Variants in KIF17 observed in about 807,000 individuals in gnomAD.
KIF17 encodes kinesin family member 17.
A neutral mutation model predicts 96.8 loss-of-function variants in KIF17; 80 were observed. That is an observed-to-expected ratio of 0.83 (90% confidence interval 0.69 to 1.00). The LOEUF (loss-of-function observed/expected upper bound fraction) is 1.00, where lower values mean the gene tolerates loss of function less well. KIF17 is among the 50% of genes least tolerant of loss of function. The pLI is 0.00. For missense variants in KIF17, 1,280 were observed against 1,372.9 expected (o/e 0.93, Z 1.07); for synonymous variants, 567 against 587.5 (o/e 0.97, Z 0.51).
chr1:20,670,398 A>C (rs1308278177), intron 13 of KIF17, 23 bp downstream of exon 13: 1 of 1,610,612 alleles, frequency 6.2e-7, no homozygotes, highest in Admixed American at 1.7e-5. Context: ...CCGACACCCC[A>C]CTCCCTCTCC....
chr1:20,704,852 C>T lies in KIF17; in HGVS notation c.718G>A (p.Asp240Asn). The T allele has an allele frequency of 6.2e-7, 1 of 1,603,884 alleles. No homozygotes were observed. Among genetic ancestry groups the T allele is most frequent in the Non-Finnish European group, 8.5e-7 (1 of 1,179,902 alleles). The change falls in exon 5 of 15, where the codon GAC (aspartate) becomes AAC (asparagine). Residue 240 changes from aspartate (D) to asparagine (N), a missense_variant. By Grantham distance (23) the Asp-to-Asn change is conservative. Coordinates refer to ENST00000400463, the MANE Select transcript of KIF17 (RefSeq NM_001122819.3). The surrounding 1 kb of genome is among the most constrained non-coding windows in gnomAD (Gnocchi z 6.8). ...HLRAGKLNLV[D>N]LAGSERQSKT... is the part of the protein sequence containing the mutation. ...GACTGCCGCTCGCTGCCCGCCAGGT[C>T]CACCAGGTTCAGCTTGCCCGCCCGG...
rs966970177 is a variant in KIF17, at chr1:20,717,804, G to T, written c.-98C>A. On this transcript the variant is annotated 5_prime_UTR_variant, in exon 1 of 15. Transcript: ENST00000400463. The stretch of plus-strand genomic sequence containing the variant: ...AGGGGCGGGGCCAGCGCCGGCCACG[G>T]GGGGCGGGGCCTTGAGGCAGGGGCG... 1.5e-6 allele frequency: 2 copies of T among 1,315,136 alleles called. No individual in the cohort carries two copies. The highest frequency in any genetic ancestry group is 3.1e-5 in the African/African-American group (2 of 63,710). The allele number at this position is 1,315,136 out of a possible 1,614,324, so 81.5% of individuals were successfully genotyped here.
At position 20,699,739 on chromosome 1, in the gene KIF17, G is replaced by A. The variant is rs2054201203; in HGVS notation, c.1124-1251C>T. 6.6e-6 allele frequency among the ~76,000 whole-genome samples: 1 copy of A among 152,196 alleles called. No individual in the cohort carries two copies. The highest frequency in any genetic ancestry group is 1.5e-5 in the Non-Finnish European group (1 of 68,032). On this transcript the variant is annotated intron_variant, in intron 5 of 14. Transcript: ENST00000400463. The surrounding 1 kb of genome is among the most constrained non-coding windows in gnomAD (Gnocchi z 4.3). ...AGTGCGAGGGCCCTGAGGCGGTTGT[G>A]AGACTGCACTGTTCCTGGCCCAGCC...
rs1391173523 is a variant in KIF17 at position 20,687,239 on chromosome 1, C to A, written c.1938+149G>T. On this transcript the variant is annotated intron_variant, in intron 8 of 14. Transcript: ENST00000400463. The surrounding 1 kb of genome is among the most constrained non-coding windows in gnomAD (Gnocchi z 4.4). ...GACACCAGTGCCCCTGAGCCAGCCA[C>A]CAGTGCCAGAGCCGCAGCAGACACA... 8 of 849,388 alleles carry A rather than the reference C, an allele frequency of 9.4e-6. No homozygotes were observed. In the East Asian group the frequency reaches 2.0e-4, roughly 21 times the overall value. The allele number at this position is 849,388 out of a possible 1,614,324, so 52.6% of individuals were successfully genotyped here. A position where few individuals can be genotyped will look rare whatever the true frequency, so the allele number is the denominator to read the frequency against.
chr1:20,715,485 G>A lies in KIF17; in HGVS notation c.378+8C>T, dbSNP rs1334070825. 6 of 1,611,478 alleles carry A rather than the reference G, an allele frequency of 3.7e-6. No homozygotes were observed. In the African/African-American group the frequency reaches 8.0e-5, roughly 22 times the overall value. On this transcript the variant is annotated splice_region_variant and intron_variant, in intron 2 of 14. Transcript: ENST00000400463. Reference sequence around the variant, plus strand: ...TGGCCCTGCCCCTTCCCTCTGCGAGGCCCGTACCTGGACGCTCTCGAACAC... The same window carrying A: ...TGGCCCTGCCCCTTCCCTCTGCGAGACCCGTACCTGGACGCTCTCGAACAC...
chr1:20,708,943 C>T (rs2054389635), intron 4 of KIF17, among the ~76,000 whole-genome samples: 3 of 152,186 alleles, frequency 2.0e-5, no homozygotes, highest in Non-Finnish European at 4.4e-5. Flanking sequence ...GTTGGAGTGA[C>T]ACACACTCCA....
At chr1:20,697,379 G>A (rs749363721) in intron 6 of KIF17, among the ~76,000 whole-genome samples, 109 of 152,176 alleles carry the variant, frequency 7.2e-4, no homozygotes, top group Non-Finnish European at 1.3e-3. Flanking sequence ...AGGTTGAGGT[G>A]GGAGGATCTC....
intron 11 of KIF17, among the ~76,000 whole-genome samples, chr1:20,681,496 G>C (rs929029181): frequency 1.3e-5 from 2 of 151,900 alleles, no homozygotes; most frequent in Non-Finnish European, 2.9e-5. Context: ...CCAGCCAAAA[G>C]AGGCAAAGTT....
At chr1:20,708,226 A>G (rs1311807142) in intron 4 of KIF17, among the ~76,000 whole-genome samples, 2 of 152,114 alleles carry the variant, frequency 1.3e-5, no homozygotes, top group Non-Finnish European at 2.9e-5. Context: ...TCCCCGGGAC[A>G]CTCAGACTCA....
At chr1:20,696,245 T>C (rs992989138) in intron 6 of KIF17, among the ~76,000 whole-genome samples, 12 of 151,912 alleles carry the variant, frequency 7.9e-5, no homozygotes, top group Admixed American at 7.9e-4. Context: ...TCCCTTTCCC[T>C]GAATGGTTCT....
intron 11 of KIF17, among the ~76,000 whole-genome samples, chr1:20,681,898 G>A (rs1439033986): frequency 6.6e-6 from 1 of 152,150 alleles, no homozygotes; most frequent in Non-Finnish European, 1.5e-5. Context: ...CCCAGTCTGG[G>A]TGCTCGTTTC....
intron 11 of KIF17, among the ~76,000 whole-genome samples, chr1:20,675,353 CAGG>C (rs2053720314): frequency 6.6e-6 from 1 of 150,914 alleles, no homozygotes; most frequent in Non-Finnish European, 1.5e-5. Context: ...GAGGCTGAAG[CAGG>C]AGAATGGCGT....
Position 20,664,464 on chromosome 1 carries a change from G to A in KIF17, c.*120C>T, listed in dbSNP as rs1167380555. On this transcript the variant is annotated 3_prime_UTR_variant, in exon 15 of 15. Transcript: ENST00000400463. ...AGGGAATGTGTCTTCCCAGGGCTGA[G>A]GGAGCCCTCAGGCCCCGGAGCGCTG... is the stretch of plus-strand genomic sequence containing the variant. 2.3e-5 allele frequency: 36 copies of A among 1,594,756 alleles called. No homozygotes were observed. Among genetic ancestry groups the A allele is most frequent in the Non-Finnish European group, 3.0e-5 (35 of 1,173,212 alleles).
In KIF17 at chr1:20,699,715, G is replaced by A. The variant is rs1570467229; in HGVS notation, c.1124-1227C>T. Among the ~76,000 whole-genome samples the A allele has an allele frequency of 6.8e-6, 1 of 146,132 alleles. No individual in the cohort carries two copies. Among genetic ancestry groups the A allele is most frequent in the East Asian group, 1.9e-4 (1 of 5,180 alleles). On this transcript the variant is annotated intron_variant, in intron 5 of 14. Transcript: ENST00000400463. The surrounding 1 kb of genome is among the most constrained non-coding windows in gnomAD (Gnocchi z 4.3). ...GCTTGCTAGACAGGGGGAGCGGTGA[G>A]TGCGAGGGCCCTGAGGCGGTTGTGA...
Position 20,687,829 on chromosome 1 carries a change from C to G in KIF17, c.1497G>C (p.Lys499Asn), listed in dbSNP as rs1308071543. The G allele has an allele frequency of 6.2e-7, 1 of 1,614,148 alleles. No individual in the cohort carries two copies. Among genetic ancestry groups the G allele is most frequent in the Middle Eastern group, 1.6e-4 (1 of 6,062 alleles). ...AFQYETVVKP[K>N]VFSTTDTLPS... ...GCAGAGTGTCAGTCGTGGAGAAGAC[C>G]TTGGGTTTCACCACTGTCTCATACT... The change falls in exon 8 of 15, where the codon AAG becomes AAC. Residue 499 changes from lysine to asparagine, a missense_variant. Coordinates refer to ENST00000400463, the MANE Select transcript of KIF17 (RefSeq NM_001122819.3). This position sits in a 1 kb window ranked among gnomAD's most constrained non-coding sequence, Gnocchi z 4.4.
At chr1:20,703,170 G>GATGGATGAATGGATGA (rs5772914) in intron 5 of KIF17, among the ~76,000 whole-genome samples, 86 of 145,088 alleles carry the variant, frequency 5.9e-4, no homozygotes, top group Non-Finnish European at 9.4e-4. Context: ...GATGGAGATG[G>GATGGATGAATGGATGA]ATGGATGAAT....
intron 5 of KIF17, among the ~76,000 whole-genome samples, chr1:20,703,165 AGATG>A (rs375493743): frequency 6.9e-5 from 6 of 86,742 alleles, no homozygotes; most frequent in Admixed American, 2.4e-4. Flanking sequence ...GGAAGGATGG[AGATG>A]GATGGATGAA....
chr1:20,685,871 T>C lies in KIF17; in HGVS notation c.2019+175A>G, dbSNP rs1364715811. Among the ~76,000 whole-genome samples the C allele has an allele frequency of 6.6e-6, 1 of 152,162 alleles. No homozygotes were observed. Among genetic ancestry groups the C allele is most frequent in the East Asian group, 1.9e-4 (1 of 5,178 alleles). The stretch of plus-strand genomic sequence containing the variant: ...CACTCCATAAGAAGAAGATGATGGT[T>C]CCTCCCACTGCACACTGCCTGGCCA... On this transcript the variant is annotated intron_variant, in intron 9 of 14. Transcript: ENST00000400463. The surrounding 1 kb of genome is among the most constrained non-coding windows in gnomAD (Gnocchi z 4.1).
chr1:20,674,085 C>T (rs928537565), intron 11 of KIF17, among the ~76,000 whole-genome samples: 6 of 151,988 alleles, frequency 3.9e-5, no homozygotes, highest in Admixed American at 6.6e-5. Flanking sequence ...TGAGCCACCA[C>T]GCCTAGCTAA....
Sources: allele counts gnomAD v4.1 joint callset (sites outside exome capture counted in the v4.1 genomes callset), GRCh38; gene constraint gnomAD v4.1.1; non-coding constraint Gnocchi (gnomAD v3.1); transcripts MANE v1.5; gene names NCBI Gene and HGNC (gene_info 2026-07-23, HGNC 2026-07-21).